The following SPAG6 variants were observed in gnomAD, a reference collection of about 807,000 sequenced individuals.
The protein encoded by SPAG6 is sperm-associated antigen 6.
Under a neutral mutation model 58.5 loss-of-function variants are expected in SPAG6, and 49 were observed. The observed-to-expected ratio is 0.84, with a 90% CI of 0.67 to 1.06. The LOEUF is 1.06. Among genes scored for constraint, SPAG6 ranks in the 50% least tolerant of loss-of-function variants. The pLI is 0.00. For missense variants in SPAG6, 560 were observed against 611.3 expected, an observed-to-expected ratio of 0.92 and a Z score of 0.89; for synonymous variants, 233 against 225.6, an observed-to-expected ratio of 1.03 and a Z score of -0.29.
chr10:22,367,432 A>G (rs1050400835), intron 3 of SPAG6, among the ~76,000 whole-genome samples: 2 of 152,166 alleles, frequency 1.3e-5, no homozygotes, highest in Non-Finnish European at 2.9e-5. Flanking sequence ...AAGATATACT[A>G]TGTTTAAGAT....
chr10:22,354,225 A>G (rs1215951125), intron 2 of SPAG6, among the ~76,000 whole-genome samples: 1 of 152,192 alleles, frequency 6.6e-6, no homozygotes, highest in East Asian at 1.9e-4. Context: ...CATTTTTGCT[A>G]TAGCAGTCAT....
intron 2 of SPAG6, among the ~76,000 whole-genome samples, chr10:22,355,921 G>C (rs2132035657): frequency 6.6e-6 from 1 of 152,318 alleles, no homozygotes; most frequent in East Asian, 1.9e-4. Context: ...CATCAGTGTT[G>C]TGAAACTTGG....
chr10:22,369,452 A>G (rs1275773448), intron 4 of SPAG6, among the ~76,000 whole-genome samples: 2 of 152,234 alleles, frequency 1.3e-5, no homozygotes, highest in Non-Finnish European at 2.9e-5. Flanking sequence ...GTAATCAACA[A>G]ATTCTATACG....
intron 2 of SPAG6, among the ~76,000 whole-genome samples, chr10:22,364,509 T>C (rs966150286): frequency 9.2e-5 from 14 of 152,188 alleles, no homozygotes; most frequent in African/African-American, 3.1e-4. Context: ...GGAAGCCCTA[T>C]CTTTTTTGTG....
rs555317097 is a variant in SPAG6, at chr10:22,388,932, C to A, written c.853-228C>A. The stretch of plus-strand genomic sequence containing the variant: ...ATAATAGGGATAAAAGTTGTGCCAT[C>A]GATGCATGAAAAATTGAACCACAGA... On this transcript the variant is annotated intron_variant, in intron 6 of 10. Transcript: ENST00000376624. Among the ~76,000 whole-genome samples, 8 of 152,170 alleles carry A rather than the reference C, an allele frequency of 5.3e-5. No individual in the cohort carries two copies. In the South Asian group the frequency reaches 1.7e-3, roughly 32 times the overall value.
intron 2 of SPAG6, among the ~76,000 whole-genome samples, chr10:22,362,949 A>G (rs754037630): frequency 5.3e-5 from 8 of 152,216 alleles, no homozygotes; most frequent in African/African-American, 7.2e-5. Flanking sequence ...CAGCTCATCC[A>G]TATTCGGATA....
intron 8 of SPAG6, 48 bp from the exon 9 acceptor site, chr10:22,401,113 G>A: frequency 1.2e-6 from 1 of 833,190 alleles, no homozygotes; most frequent in Admixed American, 2.1e-5. Context: ...TCTTGTCAAG[G>A]TTTCATTGAT....
intron 8 of SPAG6, among the ~76,000 whole-genome samples, chr10:22,397,959 A>G (rs948566173): frequency 3.9e-5 from 6 of 152,182 alleles, no homozygotes; most frequent in African/African-American, 1.4e-4. Context: ...TAGCAAAACA[A>G]TCTTGAAAAA....
chr10:22,411,295 TG>T, intron 10 of SPAG6, 119 bp downstream of exon 10: 1 of 740,088 alleles, frequency 1.4e-6, no homozygotes, highest in Non-Finnish European at 2.1e-6. Flanking sequence ...GAGGCCAATA[TG>T]TACCTTTATT....
rs1292001426 is a variant in SPAG6, at chr10:22,405,580, A to G, written c.1314+4303A>G. Among the ~76,000 whole-genome samples, 662 of 150,314 alleles carry G rather than the reference A, an allele frequency of 4.4e-3. 5 individuals are homozygous for G. The highest frequency in any genetic ancestry group is 0.016 in the African/African-American group (644 of 40,728). On this transcript the variant is annotated intron_variant, in intron 9 of 10. Coordinates refer to ENST00000376624, the MANE Select transcript of SPAG6 (RefSeq NM_012443.4). Reference sequence around the variant, plus strand: ...ATTTTTGCATCAATGTTCATCAAGGATATTGGTCTAAAATTCTCTTTTTTG... The same window carrying G: ...ATTTTTGCATCAATGTTCATCAAGGGTATTGGTCTAAAATTCTCTTTTTTG...
intron 9 of SPAG6, among the ~76,000 whole-genome samples, chr10:22,410,153 G>A (rs1024086941): frequency 3.3e-5 from 5 of 151,924 alleles, no homozygotes; most frequent in Admixed American, 1.3e-4. Flanking sequence ...GATTCCTTAC[G>A]TTTCTGATCT....
intron 2 of SPAG6, chr10:22,361,420 G>A (rs535858198): frequency 1.8e-4 from 27 of 152,550 alleles, no homozygotes; most frequent in Admixed American, 9.2e-4. Flanking sequence ...TTCCAGCCAG[G>A]TGTGGTGGCT....
intron 7 of SPAG6, among the ~76,000 whole-genome samples, chr10:22,389,891 A>G (rs890868260): frequency 6.6e-6 from 1 of 152,122 alleles, no homozygotes; most frequent in Non-Finnish European, 1.5e-5. Flanking sequence ...AGAACCCCTC[A>G]TCTAGTGCAG....
intron 2 of SPAG6, among the ~76,000 whole-genome samples, chr10:22,358,699 G>T (rs1002865309): frequency 6.6e-6 from 1 of 151,162 alleles, no homozygotes; most frequent in African/African-American, 2.4e-5. Flanking sequence ...TTCTTCTAGG[G>T]TTTTTATGGT....
chr10:22,385,000 A>C (rs1834035464), intron 4 of SPAG6, among the ~76,000 whole-genome samples: 1 of 152,174 alleles, frequency 6.6e-6, no homozygotes, highest in African/African-American at 2.4e-5. Flanking sequence ...TAAAAGTGAA[A>C]ATACATCAAA....
chr10:22,375,356 G>A (rs771647440), intron 4 of SPAG6, among the ~76,000 whole-genome samples: 9 of 152,116 alleles, frequency 5.9e-5, no homozygotes, highest in Non-Finnish European at 1.0e-4. Context: ...CTCAGGAGTT[G>A]GTTAGCATAA....
chr10:22,357,221 A>G (rs1181823365), intron 2 of SPAG6, among the ~76,000 whole-genome samples: 2 of 151,996 alleles, frequency 1.3e-5, no homozygotes, highest in East Asian at 3.9e-4. Flanking sequence ...TTGCCTCCCC[A>G]TGTCCCTCCA....
Position 22,360,751 on chromosome 10 carries a change from A to G in SPAG6, c.122-4102A>G, listed in dbSNP as rs768020693. ...GCCCCAGTGATGTCGTTTGCTCCTTACTAGAGGCCTTGTTTATCAGATATT... is the reference window on the plus strand; with the variant it reads ...GCCCCAGTGATGTCGTTTGCTCCTTGCTAGAGGCCTTGTTTATCAGATATT... On this transcript the variant is annotated intron_variant, in intron 2 of 10. Transcript: ENST00000376624. 2.5e-5 allele frequency: 37 copies of G among 1,487,850 alleles called. No homozygotes were observed. The African/African-American group carries it at 4.3e-4, about 17-fold the overall frequency. 92.2% of individuals were successfully genotyped at this position (1,487,850 alleles called of 1,614,324 possible).
Position 22,387,821 on chromosome 10 carries a change from A to C in SPAG6, c.679-2A>C. On this transcript the variant is annotated splice_acceptor_variant, in intron 5 of 10. Coordinates refer to ENST00000376624, the MANE Select transcript of SPAG6 (RefSeq NM_012443.4). LOFTEE classifies it high-confidence loss of function. ...TGTTGTTGTTTTTTTTTTGCTTCAC[A>C]GCATCAGATCCTTTCAGCTCTCAGT... 6.3e-7 allele frequency: 1 copy of C among 1,594,346 alleles called. No individual in the cohort carries two copies. Among genetic ancestry groups the C allele is most frequent in the South Asian group, 1.2e-5 (1 of 86,660 alleles).
Sources: gnomAD v4.1 joint callset for allele counts (sites outside exome capture counted in the v4.1 genomes callset) on GRCh38, gnomAD v4.1.1 for gene constraint, MANE v1.5 for transcripts, NCBI Gene and HGNC (gene_info 2026-07-23, HGNC 2026-07-21) for gene names.